Variants in ANKRD31 observed in about 807,000 individuals in gnomAD.
The protein encoded by ANKRD31 is ankyrin repeat domain-containing protein 31.
Under a neutral mutation model 186.0 loss-of-function variants are expected in ANKRD31, and 147 were observed. That is an observed-to-expected ratio of 0.79 (90% CI 0.69 to 0.91). The LOEUF is 0.91. Ranked by LOEUF, ANKRD31 falls within the 40% of genes least tolerant of loss-of-function variation. ANKRD31 has a pLI of 0.00. For missense variants in ANKRD31, 1,986 were observed against 2,148.8 expected, an observed-to-expected ratio of 0.92 and a Z score of 1.50; for synonymous variants, 673 against 736.4, an observed-to-expected ratio of 0.91 and a Z score of 1.39.
At chr5:75,199,759 A>G in intron 5 of ANKRD31, 85 bp from the exon 6 acceptor site, 1 of 972,550 alleles carries the variant, frequency 1.0e-6, no homozygotes, top group Non-Finnish European at 1.5e-6. Context: ...TAATCATATA[A>G]CTTAAACTCC....
In ANKRD31 at chr5:75,189,312, T is replaced by A. The variant is rs188938915; in HGVS notation, c.1409-664A>T. Among the ~76,000 whole-genome samples, 641 of 152,322 alleles carry A rather than the reference T, an allele frequency of 4.2e-3. 3 individuals carry two copies. The highest frequency in any genetic ancestry group is 7.3e-3 in the Non-Finnish European group (499 of 68,020). The stretch of plus-strand genomic sequence containing the variant: ...TCCTAAAATACTGAAGCTCCTCATT[T>A]ACATGTTTCAAATCCTGTCAGTTTG... On this transcript the variant is annotated intron_variant, in intron 9 of 25. Transcript: ENST00000506364.
intron 10 of ANKRD31, among the ~76,000 whole-genome samples, chr5:75,171,765 T>C (rs187150313): frequency 6.6e-6 from 1 of 151,746 alleles, no homozygotes; most frequent in Admixed American, 6.6e-5. Context: ...CTATACCTAT[T>C]AATGAATTTA....
Position 75,105,014 on chromosome 5 carries a change from G to C in ANKRD31, c.4545C>G (p.Ser1515Arg). The stretch of plus-strand genomic sequence containing the variant: ...AATTTTCCAGACTAGTGAGCTCTTG[G>C]CTGTCTTTTTCACTAGAGATTTCTG... ...PRSEISSEKD[S>R]QELTSLENLE... Residue 1515 changes from serine (S) to arginine (R), a missense_variant, in exon 22 of 26, where the codon AGC becomes AGG. Transcript: ENST00000506364. 2 of 1,536,820 alleles carry C rather than the reference G, an allele frequency of 1.3e-6. No homozygotes were observed. Among genetic ancestry groups the C allele is most frequent in the Non-Finnish European group, 1.7e-6 (2 of 1,146,814 alleles).
At chr5:75,235,034 TG>T (rs1184178063) in intron 1 of ANKRD31, among the ~76,000 whole-genome samples, 1 of 152,124 alleles carries the variant, frequency 6.6e-6, no homozygotes, top group East Asian at 1.9e-4. Context: ...GATTCTATTT[TG>T]GGGGTTTTTA....
chr5:75,075,493 A>ACTTCTTG (rs1744563907), intron 25 of ANKRD31, among the ~76,000 whole-genome samples: 1 of 152,226 alleles, frequency 6.6e-6, no homozygotes, highest in Non-Finnish European at 1.5e-5. Context: ...CTGAGACTTA[A>ACTTCTTG]ATTTTATCTT....
chr5:75,074,304 T>C (rs1245959953), intron 25 of ANKRD31, among the ~76,000 whole-genome samples: 3 of 152,134 alleles, frequency 2.0e-5, no homozygotes, highest in Non-Finnish European at 4.4e-5. Flanking sequence ...ACAACACACT[T>C]GTTCTCATCA....
chr5:75,182,061 T>A lies in ANKRD31; in HGVS notation c.1564+6432A>T, dbSNP rs1754350194. Among the ~76,000 whole-genome samples the A allele has an allele frequency of 2.6e-5, 4 of 152,248 alleles. No homozygotes were observed. The South Asian group carries it at 8.3e-4, about 32-fold the overall frequency. On this transcript the variant is annotated intron_variant, in intron 10 of 25. Coordinates refer to ENST00000506364, the MANE Select transcript of ANKRD31 (RefSeq NM_001372053.1). ...ATGGATAGATATCTGATAAAATAAA[T>A]ATGTAGAATCTAGATAGTAGGTATA...
At chr5:75,101,778 AG>A (rs1259973841) in intron 22 of ANKRD31, among the ~76,000 whole-genome samples, 1 of 152,132 alleles carries the variant, frequency 6.6e-6, no homozygotes, top group Non-Finnish European at 1.5e-5. Flanking sequence ...CAGCTCCATC[AG>A]GTTATTTAAG....
intron 1 of ANKRD31, among the ~76,000 whole-genome samples, chr5:75,231,643 G>A (rs1029031938): frequency 2.0e-5 from 3 of 152,018 alleles, no homozygotes; most frequent in African/African-American, 7.2e-5. Flanking sequence ...ACAAGTACAC[G>A]AAACGAAAAG....
chr5:75,195,663 G>A lies in ANKRD31; in HGVS notation c.985C>T (p.Gln329Ter), dbSNP rs1463928941. The change falls in exon 7 of 26, where the codon CAG (glutamine) becomes TAG (stop). Residue 329 changes from glutamine to a stop codon, truncating the protein, a stop_gained. Transcript: ENST00000506364. LOFTEE classifies it high-confidence loss of function. ...ATTTGTGTACAATCTTCATTGGTCT[G>A]AGACGTATTGAACTCCACTTCTAAA... ...ECLEVEFNTS[Q>*]TNEDCTQIAE... 4.6e-6 allele frequency: 7 copies of A among 1,535,252 alleles called. No individual in the cohort carries two copies. The highest frequency in any genetic ancestry group is 2.4e-5 in the East Asian group (1 of 40,918).
intron 9 of ANKRD31, among the ~76,000 whole-genome samples, chr5:75,192,199 C>T (rs1755160909): frequency 6.6e-6 from 1 of 152,088 alleles, no homozygotes. Flanking sequence ...ACCCATATTT[C>T]AGTTTTGCCA....
chr5:75,081,391 A>C (rs1745067262), intron 24 of ANKRD31, among the ~76,000 whole-genome samples: 1 of 152,238 alleles, frequency 6.6e-6, no homozygotes, highest in Non-Finnish European at 1.5e-5. Context: ...TTGTGAAAAT[A>C]AATAAATAAC....
intron 5 of ANKRD31, among the ~76,000 whole-genome samples, chr5:75,199,903 T>A (rs1755703987): frequency 6.6e-6 from 1 of 152,204 alleles, no homozygotes. Flanking sequence ...AAAAAAATTG[T>A]AACTATTTGG....
Position 75,146,706 on chromosome 5 carries a change from T to C in ANKRD31, c.2705A>G (p.Asp902Gly). ...CTCAGAGGTAGAGCAATCATCATCA[T>C]CATCATTATCAGAATTTTCCTTTAC... ...SFVKENSDND[D>G]DDDCSTSEKA... is the part of the protein sequence containing the mutation. Residue 902 changes from aspartate to glycine, a missense_variant, in exon 14 of 26, where the codon GAT becomes GGT. Transcript: ENST00000506364. 6 of 1,536,320 alleles carry C rather than the reference T, an allele frequency of 3.9e-6. No homozygotes were observed. The highest frequency in any genetic ancestry group is 5.2e-6 in the Non-Finnish European group (6 of 1,146,288).
chr5:75,086,573 G>T (rs1050447370), intron 23 of ANKRD31, among the ~76,000 whole-genome samples: 1 of 152,210 alleles, frequency 6.6e-6, no homozygotes, highest in Non-Finnish European at 1.5e-5. Flanking sequence ...ATAGCCTCCA[G>T]TGATCTCAGC....
At chr5:75,142,522 T>C (rs1751121463) in intron 15 of ANKRD31, among the ~76,000 whole-genome samples, 2 of 152,168 alleles carry the variant, frequency 1.3e-5, no homozygotes, top group Non-Finnish European at 2.9e-5. Context: ...GGAAAAAATA[T>C]TAGATGCTTC....
At position 75,107,576 on chromosome 5, in the gene ANKRD31, C is replaced by T; in HGVS notation, c.4285G>A (p.Asp1429Asn). ...EKMLKIKKIM[D>N]NVLAKQKAER... ...GCTTTCTGCTTGGCAAGCACATTATCCATAATCTTTTTTATCTTTAACATC... is the reference window on the plus strand; with the variant it reads ...GCTTTCTGCTTGGCAAGCACATTATTCATAATCTTTTTTATCTTTAACATC... The change falls in exon 21 of 26, where the codon GAT becomes AAT. Residue 1429 changes from aspartate (D) to asparagine (N), a missense_variant. By Grantham distance (23) the Asp-to-Asn change is conservative. Coordinates refer to ENST00000506364, the MANE Select transcript of ANKRD31 (RefSeq NM_001372053.1). 1.3e-6 allele frequency: 2 copies of T among 1,532,156 alleles called. No individual in the cohort carries two copies. Among genetic ancestry groups the T allele is most frequent in the Non-Finnish European group, 1.7e-6 (2 of 1,144,200 alleles). The allele number at this position is 1,532,156 out of a possible 1,614,324, so 94.9% of individuals were successfully genotyped here.
chr5:75,185,668 T>G (rs1296839136), intron 10 of ANKRD31, among the ~76,000 whole-genome samples: 2 of 152,112 alleles, frequency 1.3e-5, no homozygotes, highest in Non-Finnish European at 2.9e-5. Context: ...AAAGGGGATT[T>G]TTAAATGTTC....
intron 10 of ANKRD31, among the ~76,000 whole-genome samples, chr5:75,187,022 A>AGTGTGTGTGT (rs10624220): frequency 2.9e-4 from 41 of 142,720 alleles, no homozygotes; most frequent in South Asian, 1.1e-3. Flanking sequence ...TGAGACACAG[A>AGTGTGTGTGT]GTGTGTGTGT....
Sources: allele counts gnomAD v4.1 joint callset (sites outside exome capture counted in the v4.1 genomes callset), GRCh38; gene constraint gnomAD v4.1.1; transcripts MANE v1.5; gene names NCBI Gene and HGNC (gene_info 2026-07-23, HGNC 2026-07-21).